The following ZDHHC15 variants were observed in gnomAD, a reference collection of about 807,000 sequenced individuals.
ZDHHC15 encodes zDHHC palmitoyltransferase 15.
In ZDHHC15, 19 loss-of-function variants were observed where a neutral mutation model predicts 31.7. The observed-to-expected ratio is 0.60, with a 90% confidence interval of 0.42 to 0.88. ZDHHC15 has a LOEUF of 0.88. Ranked by LOEUF, ZDHHC15 falls within the 40% of genes least tolerant of loss-of-function variation. The pLI is 0.00. For missense variants in ZDHHC15, 209 were observed against 251.2 expected (o/e 0.83, Z 1.14); for synonymous variants, 103 against 90.0 (o/e 1.14, Z -0.82).
chrX:75,398,405 C>T (rs769735007), intron 10 of ZDHHC15, among the ~76,000 whole-genome samples: 1 of 112,628 alleles, frequency 8.9e-6, no homozygotes, highest in Non-Finnish European at 1.9e-5. Flanking sequence ...CCAGGGCCTC[C>T]GGCCACCCCC....
chrX:75,437,128 G>A (rs757179192), intron 4 of ZDHHC15, among the ~76,000 whole-genome samples: 26 of 110,923 alleles, frequency 2.3e-4, no homozygotes, highest in South Asian at 7.7e-4. Context: ...TGATCCGCCC[G>A]CCCCGGCCAC....
intron 7 of ZDHHC15, among the ~76,000 whole-genome samples, chrX:75,426,123 T>G (rs2083711913): frequency 8.9e-6 from 1 of 112,669 alleles, no homozygotes; most frequent in African/African-American, 3.2e-5. Flanking sequence ...TTTGTTTTAT[T>G]TTGAACTTAT....
At chrX:75,471,037 C>G (rs917913869) in intron 3 of ZDHHC15, among the ~76,000 whole-genome samples, 1 of 112,383 alleles carries the variant, frequency 8.9e-6, no homozygotes, top group African/African-American at 3.2e-5. Flanking sequence ...TGGAGAATTA[C>G]AGTGGATTAT....
intron 3 of ZDHHC15, among the ~76,000 whole-genome samples, chrX:75,467,768 C>A (rs769284237): frequency 1.3e-4 from 14 of 111,677 alleles, no homozygotes; most frequent in Non-Finnish European, 2.6e-4. Context: ...AACATAAATT[C>A]CATTTAAAGT....
intron 3 of ZDHHC15, among the ~76,000 whole-genome samples, chrX:75,457,401 G>T (rs1222021669): frequency 1.8e-5 from 2 of 110,680 alleles, no homozygotes; most frequent in Non-Finnish European, 3.8e-5. Flanking sequence ...CTAGTCTTTG[G>T]TTGAATATTT....
intron 10 of ZDHHC15, among the ~76,000 whole-genome samples, chrX:75,405,242 G>A (rs1172591361): frequency 1.9e-4 from 21 of 111,223 alleles, no homozygotes; most frequent in Non-Finnish European, 3.2e-4. Context: ...CAGGGGGTGA[G>A]AGGAGGAAGA....
rs1218654888 is a variant in ZDHHC15, at chrX:75,429,313, T to C, written c.483-115A>G. ...AGTTCTGCTGCTTCATTATGTGTCG[T>C]GTAAAAGCCCAATAGAGATAGAAGT... On this transcript the variant is annotated intron_variant, in intron 6 of 11. Transcript: ENST00000373367. The C allele has an allele frequency of 2.3e-5, 21 of 904,573 alleles. No individual in the cohort carries two copies. The Admixed American group carries it at 6.1e-4, about 26-fold the overall frequency. The allele number at this position is 904,573 out of a possible 1,213,427, so 74.5% of individuals were successfully genotyped here.
intron 9 of ZDHHC15, among the ~76,000 whole-genome samples, chrX:75,420,934 CAGAACTTAAAGTATAATAAAAAA>C (rs1403247983): frequency 9.1e-6 from 1 of 110,378 alleles, no homozygotes; most frequent in Non-Finnish European, 1.9e-5. Context: ...ACATGTACCC[CAGAACTTAAAGTATAATAAAAAA>C]AGAATTACCT....
At chrX:75,492,973 A>G (rs1201375359) in intron 2 of ZDHHC15, among the ~76,000 whole-genome samples, 1 of 112,020 alleles carries the variant, frequency 8.9e-6, no homozygotes, top group Non-Finnish European at 1.9e-5. Flanking sequence ...AAAATCCTTC[A>G]AAAAATCAGT....
chrX:75,487,040 C>A, intron 2 of ZDHHC15, among the ~76,000 whole-genome samples: 1 of 111,638 alleles, frequency 9.0e-6, no homozygotes. Flanking sequence ...AGAAGGCACT[C>A]TCTTCAAAGC....
rs948338269 is a variant in ZDHHC15, at chrX:75,372,488, T to C, written c.*490A>G. 1.8e-5 allele frequency: 2 copies of C among 111,692 alleles called. No individual in the cohort carries two copies. The highest frequency in any genetic ancestry group is 6.5e-5 in the African/African-American group (2 of 30,804). 9.2% of individuals were successfully genotyped at this position (111,692 alleles called of 1,213,427 possible). A position where few individuals can be genotyped will look rare whatever the true frequency, so the allele number is the denominator to read the frequency against. On this transcript the variant is annotated 3_prime_UTR_variant, in exon 12 of 12. Transcript: ENST00000373367. ...GTTTTTAGCCCTGATTTTCACACTA[T>C]AGCAGAATTTTGTATAGATATGCTG... is the stretch of plus-strand genomic sequence containing the variant.
At chrX:75,424,832 G>A in intron 7 of ZDHHC15, 48 bp from the exon 8 acceptor site, 2 of 1,129,141 alleles carry the variant, frequency 1.8e-6, no homozygotes, top group Non-Finnish European at 1.2e-6. Context: ...GGAAACGGAT[G>A]GCTAGTTTTT....
At chrX:75,491,560 G>T (rs903977997) in intron 2 of ZDHHC15, among the ~76,000 whole-genome samples, 1 of 108,372 alleles carries the variant, frequency 9.2e-6, no homozygotes, top group Non-Finnish European at 1.9e-5. Flanking sequence ...CACCAGCATG[G>T]CACATGTATA....
chrX:75,408,611 T>A (rs1156602642), intron 10 of ZDHHC15, among the ~76,000 whole-genome samples: 5 of 111,547 alleles, frequency 4.5e-5, no homozygotes, highest in Non-Finnish European at 3.8e-5. Flanking sequence ...AGCAATCAGA[T>A]AAGAGAAATA....
intron 2 of ZDHHC15, among the ~76,000 whole-genome samples, chrX:75,492,684 G>A (rs1326830201): frequency 9.0e-6 from 1 of 111,542 alleles, no homozygotes; most frequent in East Asian, 2.8e-4. Context: ...AATGACTACT[G>A]GGTACATAAC....
intron 3 of ZDHHC15, among the ~76,000 whole-genome samples, chrX:75,451,208 C>A (rs753834031): frequency 1.7e-4 from 19 of 111,824 alleles, no homozygotes; most frequent in African/African-American, 5.8e-4. Context: ...CAATGCTGGA[C>A]CTCAAACTCA....
At chrX:75,522,851 G>C (rs759882964) in intron 1 of ZDHHC15, 38 bp downstream of exon 1, 21 of 1,207,664 alleles carry the variant, frequency 1.7e-5, no homozygotes, top group Non-Finnish European at 2.1e-5. Flanking sequence ...TTATATTGGA[G>C]TATAATTTCC....
chrX:75,513,929 G>A (rs1168656839), intron 1 of ZDHHC15, among the ~76,000 whole-genome samples: 8 of 110,567 alleles, frequency 7.2e-5, no homozygotes, highest in Non-Finnish European at 1.5e-4. Flanking sequence ...AACCCACAGA[G>A]GCTAGAAGGC....
intron 1 of ZDHHC15, among the ~76,000 whole-genome samples, chrX:75,507,046 G>A (rs971643517): frequency 1.8e-5 from 2 of 111,171 alleles, no homozygotes; most frequent in African/African-American, 6.5e-5. Flanking sequence ...TTCTCCAGGT[G>A]GGGAACAGCT....
Sources: allele counts gnomAD v4.1 joint callset (sites outside exome capture counted in the v4.1 genomes callset), GRCh38; gene constraint gnomAD v4.1.1; transcripts MANE v1.5; gene names NCBI Gene and HGNC (gene_info 2026-07-23, HGNC 2026-07-21).